Variants in PTPRM observed in about 807,000 individuals in gnomAD.
The protein encoded by PTPRM is receptor-type tyrosine-protein phosphatase mu.
In PTPRM, 47 loss-of-function variants were observed where a neutral mutation model predicts 186.7. That is an observed-to-expected ratio of 0.25 (90% confidence interval 0.20 to 0.32). The LOEUF is 0.32. Among genes scored for constraint, PTPRM ranks in the 10% least tolerant of loss-of-function variants. The pLI is 1.00. For synonymous variants in PTPRM, 668 were observed against 674.9 expected, an observed-to-expected ratio of 0.99 and a Z score of 0.16; for missense variants, 1,494 against 1,865.0, an observed-to-expected ratio of 0.80 and a Z score of 3.66.
chr18:8,322,235 G>A (rs745935312), intron 22 of PTPRM, among the ~76,000 whole-genome samples: 2 of 152,226 alleles, frequency 1.3e-5, no homozygotes, highest in Non-Finnish European at 2.9e-5. Flanking sequence ...CAATACAGAG[G>A]ACATATTATA....
At chr18:7,783,066 A>T (rs2042932074) in intron 2 of PTPRM, among the ~76,000 whole-genome samples, 1 of 152,188 alleles carries the variant, frequency 6.6e-6, no homozygotes, top group South Asian at 2.1e-4. Flanking sequence ...ATTTCCCATA[A>T]AATTGTACAA....
At chr18:8,214,805 G>T (rs2094057042) in intron 14 of PTPRM, among the ~76,000 whole-genome samples, 1 of 152,134 alleles carries the variant, frequency 6.6e-6, no homozygotes, top group Non-Finnish European at 1.5e-5. Flanking sequence ...CGGGATTACA[G>T]GCACCCGCCA....
intron 2 of PTPRM, among the ~76,000 whole-genome samples, chr18:7,851,834 T>G (rs1234703289): frequency 6.6e-6 from 1 of 152,122 alleles, no homozygotes; most frequent in South Asian, 2.1e-4. Context: ...GTAATAATGG[T>G]TTTTTGGGTC....
intron 1 of PTPRM, among the ~76,000 whole-genome samples, chr18:7,659,117 T>TACACACACACACACACACACAC (rs10541547): frequency 1.4e-5 from 2 of 143,916 alleles, no homozygotes; most frequent in Non-Finnish European, 3.1e-5. Flanking sequence ...CACATGTATG[T>TACACACACACACACACACACAC]ACACACACAC....
intron 2 of PTPRM, among the ~76,000 whole-genome samples, chr18:7,798,560 GT>G (rs1001786666): frequency 6.6e-6 from 1 of 151,354 alleles, no homozygotes; most frequent in Non-Finnish European, 1.5e-5. Context: ...GGTAAATTTT[GT>G]GTGTATTTTA....
At chr18:8,275,211 G>A (rs1483714918) in intron 19 of PTPRM, among the ~76,000 whole-genome samples, 3 of 152,092 alleles carry the variant, frequency 2.0e-5, no homozygotes, top group Non-Finnish European at 2.9e-5. Context: ...GGCCAAGGCC[G>A]GGGAATCACT....
chr18:7,805,185 C>T (rs749269663), intron 2 of PTPRM, among the ~76,000 whole-genome samples: 3 of 152,210 alleles, frequency 2.0e-5, no homozygotes, highest in Non-Finnish European at 4.4e-5. Context: ...ATCTCCAAAC[C>T]TGACACATTT....
At chr18:8,216,998 G>A (rs560442617) in intron 14 of PTPRM, among the ~76,000 whole-genome samples, 4 of 152,292 alleles carry the variant, frequency 2.6e-5, no homozygotes, top group East Asian at 1.9e-4. Flanking sequence ...AAATAGCTTC[G>A]CGTAGAGTAA....
chr18:7,931,313 T>C (rs941600732), intron 5 of PTPRM, among the ~76,000 whole-genome samples: 1 of 151,638 alleles, frequency 6.6e-6, no homozygotes, highest in Non-Finnish European at 1.5e-5. Context: ...TGTATACATA[T>C]ACTGTGTGTA....
intron 7 of PTPRM, among the ~76,000 whole-genome samples, chr18:8,024,989 T>C (rs2085481190): frequency 6.6e-6 from 1 of 152,192 alleles, no homozygotes; most frequent in African/African-American, 2.4e-5. Flanking sequence ...ATTACAAGCA[T>C]GAGTGACCGC....
intron 2 of PTPRM, among the ~76,000 whole-genome samples, chr18:7,825,190 G>A (rs1285996015): frequency 6.6e-6 from 1 of 152,080 alleles, no homozygotes; most frequent in Non-Finnish European, 1.5e-5. Context: ...GCAATTGTCC[G>A]AAAGAGGAAA....
At chr18:8,276,613 C>A (rs2094838506) in intron 19 of PTPRM, among the ~76,000 whole-genome samples, 1 of 152,188 alleles carries the variant, frequency 6.6e-6, no homozygotes, top group Admixed American at 6.5e-5. Flanking sequence ...GCCCTCCTCC[C>A]AGCAGACATG....
At chr18:8,400,605 C>A (rs2095867315) in intron 32 of PTPRM, among the ~76,000 whole-genome samples, 2 of 152,168 alleles carry the variant, frequency 1.3e-5, no homozygotes, top group Non-Finnish European at 2.9e-5. Flanking sequence ...AGCTCGCCGC[C>A]CCCTCCCCCT....
chr18:7,776,899 A>G (rs973280047), intron 2 of PTPRM, among the ~76,000 whole-genome samples: 2 of 152,228 alleles, frequency 1.3e-5, no homozygotes, highest in East Asian at 3.8e-4. Flanking sequence ...CCTAAAGTCT[A>G]GATTTTTAAA....
intron 1 of PTPRM, among the ~76,000 whole-genome samples, chr18:7,685,853 T>C (rs775424739): frequency 6.6e-6 from 1 of 152,216 alleles, no homozygotes; most frequent in Admixed American, 6.5e-5. Flanking sequence ...TACTTTATCA[T>C]AGAGATGATC....
chr18:8,378,248 T>C lies in PTPRM; in HGVS notation c.3463-17T>C, dbSNP rs772909784. 4 of 1,601,696 alleles carry C rather than the reference T, an allele frequency of 2.5e-6. No individual in the cohort carries two copies. The highest frequency in any genetic ancestry group is 3.4e-6 in the Non-Finnish European group (4 of 1,169,812). Reference sequence around the variant, plus strand: ...TGGTTCTCTAAAGTTAGTAACTCGTTCCATCTCCTTCTCCAGGAGCAGTAT... The same window carrying C: ...TGGTTCTCTAAAGTTAGTAACTCGTCCCATCTCCTTCTCCAGGAGCAGTAT... On this transcript the variant is annotated splice_polypyrimidine_tract_variant and intron_variant, in intron 26 of 32. Transcript: ENST00000580170.
chr18:8,100,980 A>G (rs1264821511), intron 11 of PTPRM, among the ~76,000 whole-genome samples: 1 of 152,188 alleles, frequency 6.6e-6, no homozygotes, highest in Non-Finnish European at 1.5e-5. Context: ...CTTCTATAGA[A>G]GTTGTAAGAA....
intron 14 of PTPRM, among the ~76,000 whole-genome samples, chr18:8,197,732 C>T (rs1353464743): frequency 1.3e-5 from 2 of 152,204 alleles, no homozygotes; most frequent in African/African-American, 2.4e-5. Context: ...AAAAGCCTTA[C>T]GGAGCAGTGG....
intron 11 of PTPRM, among the ~76,000 whole-genome samples, chr18:8,111,744 G>C (rs1218320923): frequency 6.6e-6 from 1 of 152,200 alleles, no homozygotes; most frequent in African/African-American, 2.4e-5. Flanking sequence ...CTCCATGTTA[G>C]AGATTCACTT....
Sources: gnomAD v4.1 joint callset for allele counts (sites outside exome capture counted in the v4.1 genomes callset) on GRCh38, gnomAD v4.1.1 for gene constraint, MANE v1.5 for transcripts, NCBI Gene and HGNC (gene_info 2026-07-23, HGNC 2026-07-21) for gene names.